Variants in GNE observed in about 807,000 individuals in gnomAD.
GNE encodes the protein glucosamine (UDP-N-acetyl)-2-epimerase/N-acetylmannosamine kinase.
GNE carries 41 observed loss-of-function variants against 61.8 expected under a neutral mutation model. The ratio of observed to expected loss-of-function variants is 0.66; its 90% CI spans 0.52 to 0.86. GNE has a LOEUF of 0.86. Among genes scored for constraint, GNE ranks in the 40% least tolerant of loss-of-function variants. The pLI is 0.00. For synonymous variants in GNE, 264 were observed against 326.4 expected (o/e 0.81, Z 2.06); for missense variants, 608 against 909.1 (o/e 0.67, Z 4.26).
intron 1 of GNE, among the ~76,000 whole-genome samples, chr9:36,254,795 T>C (rs1213754957): frequency 6.6e-6 from 1 of 151,572 alleles, no homozygotes; most frequent in Non-Finnish European, 1.5e-5. Context: ...CTACTAAAAA[T>C]ACAAAAATTA....
intron 1 of GNE, among the ~76,000 whole-genome samples, chr9:36,250,343 A>T (rs1340616598): frequency 6.6e-6 from 1 of 152,158 alleles, no homozygotes; most frequent in Non-Finnish European, 1.5e-5. Context: ...TGCCAACAAA[A>T]CTGACAACTC....
chr9:36,256,829 C>T (rs1830372147), intron 1 of GNE, among the ~76,000 whole-genome samples: 1 of 152,212 alleles, frequency 6.6e-6, no homozygotes, highest in Non-Finnish European at 1.5e-5. Flanking sequence ...TAACTCATTT[C>T]ATCCTCACAG....
At position 36,223,484 on chromosome 9, in the gene GNE, A is replaced by T. The variant is rs765843270; in HGVS notation, c.1300T>A (p.Tyr434Asn). ...VSMKGEIVKK[Y>N]TQFNPKTYEE... ...TAGGTTTTAGGATTGAACTGAGTAT[A>T]CTTCTTAACTATTTCACCCTAAAAG... is the stretch of plus-strand genomic sequence containing the variant. Residue 434 changes from tyrosine (Y) to asparagine (N), a missense_variant, in exon 8 of 12, where the codon TAT (tyrosine) becomes AAT (asparagine). Physicochemically the swap from Tyr to Asn is moderately radical, Grantham distance 143. Coordinates refer to ENST00000642385, the MANE Select transcript of GNE (RefSeq NM_005476.7). 1 of 1,611,106 alleles carries T rather than the reference A, an allele frequency of 6.2e-7. No individual in the cohort carries two copies. Among genetic ancestry groups the T allele is most frequent in the Non-Finnish European group, 8.5e-7 (1 of 1,178,080 alleles).
rs140784655 is a variant in GNE, at chr9:36,227,284, G to A, written c.1245C>T (p.Gly415=). The part of the protein sequence containing the change: ...ETLSALAVDL[G]GTNLRVAIVS... Reference sequence around the variant, plus strand: ...CTATTGCAACTCGGAGGTTCGTCCCGCCAAGATCAACGGCCAAGGCACTTA... The same window carrying A: ...CTATTGCAACTCGGAGGTTCGTCCCACCAAGATCAACGGCCAAGGCACTTA... The change falls in exon 7 of 12, where the codon GGC becomes GGT. Residue 415 remains glycine (G), a synonymous_variant. Transcript: ENST00000642385. 295 of 1,613,298 alleles carry A rather than the reference G, an allele frequency of 1.8e-4. No individual in the cohort carries two copies. Among genetic ancestry groups the A allele is most frequent in the African/African-American group, 1.7e-3 (124 of 75,004 alleles).
upstream of GNE, among the ~76,000 whole-genome samples, chr9:36,260,843 T>C (rs1830588941): frequency 8.1e-6 from 1 of 123,366 alleles, no homozygotes; most frequent in African/African-American, 3.0e-5. Flanking sequence ...CACTCCAGCC[T>C]GGGCAACAGA....
chr9:36,249,458 A>G (rs1830031028), intron 1 of GNE, 61 bp from the exon 2 acceptor site: 1 of 1,050,032 alleles, frequency 9.5e-7, no homozygotes, highest in Admixed American at 2.4e-5. Flanking sequence ...ACTAAACTTT[A>G]AACTTCTCTA....
intron 1 of GNE, among the ~76,000 whole-genome samples, chr9:36,250,383 T>C (rs903251622): frequency 2.0e-4 from 30 of 152,334 alleles, no homozygotes; most frequent in African/African-American, 7.0e-4. Flanking sequence ...TCCTGCTGTA[T>C]GTCCTATAAA....
intron 1 of GNE, among the ~76,000 whole-genome samples, chr9:36,251,904 C>G (rs1361236352): frequency 6.6e-6 from 1 of 152,064 alleles, no homozygotes; most frequent in African/African-American, 2.4e-5. Context: ...GCTAATTTCA[C>G]CCAATGGCAA....
At position 36,222,863 on chromosome 9, in the gene GNE, T is replaced by C; in HGVS notation, c.1547A>G (p.Asn516Ser). 1.9e-6 allele frequency: 3 copies of C among 1,614,204 alleles called. No individual in the cohort carries two copies. The highest frequency in any genetic ancestry group is 1.7e-6 in the Non-Finnish European group (2 of 1,180,016). The change falls in exon 9 of 12, where the codon AAT becomes AGT. Residue 516 changes from asparagine to serine, a missense_variant. By Grantham distance (46) the Asn-to-Ser change is conservative. Coordinates refer to ENST00000642385, the MANE Select transcript of GNE (RefSeq NM_005476.7). Reference sequence around the variant, plus strand: ...CGCCAGGGCAGCACAGTTGCCATCATTGTCTACCCACACAGGGAGATGCAA... The same window carrying C: ...CGCCAGGGCAGCACAGTTGCCATCACTGTCTACCCACACAGGGAGATGCAA... ...DTLHLPVWVD[N>S]DGNCAALAER... is the part of the protein sequence containing the mutation.
intron 7 of GNE, among the ~76,000 whole-genome samples, chr9:36,223,829 G>A (rs1394194743): frequency 1.3e-5 from 2 of 150,942 alleles, no homozygotes; most frequent in African/African-American, 4.9e-5. Context: ...TCAGCTCACT[G>A]CAACCTCCAC....
upstream of GNE, among the ~76,000 whole-genome samples, chr9:36,260,879 A>AAAC (rs1830594270): frequency 7.1e-6 from 1 of 141,516 alleles, no homozygotes; most frequent in South Asian, 2.1e-4. Context: ...AAAAAAAAAA[A>AAAC]AAAAAAAAAA....
chr9:36,257,138 A>G (rs1227981159), intron 1 of GNE, among the ~76,000 whole-genome samples: 2 of 152,138 alleles, frequency 1.3e-5, no homozygotes, highest in African/African-American at 4.8e-5. Context: ...CAAGTTCATC[A>G]TTGAGAGAAC....
intron 1 of GNE, among the ~76,000 whole-genome samples, chr9:36,273,458 C>G (rs1367632156): frequency 6.6e-6 from 1 of 151,718 alleles, no homozygotes; most frequent in Non-Finnish European, 1.5e-5. Flanking sequence ...CTCAGATGAT[C>G]CACCCACCTC....
rs75700196 is a variant in GNE at position 36,265,505 on chromosome 9, G to A, written c.51+11389C>T. ...ATCATGAAGAAATCAACAAGAGGTG[G>A]AATAAACTGAGCAATTCATCACCAT... On this transcript the variant is annotated intron_variant, in intron 1 of 11. Transcript: ENST00000396594. The A allele has an allele frequency of 1.1e-3, 487 of 456,438 alleles. 7 individuals carry two copies. The highest frequency in any genetic ancestry group is 8.9e-3 in the African/African-American group (449 of 50,176). 28.3% of individuals were successfully genotyped at this position (456,438 alleles called of 1,614,324 possible). A position where few individuals can be genotyped will look rare whatever the true frequency, so the allele number is the denominator to read the frequency against.
At chr9:36,217,635 G>T in intron 11 of GNE, 35 bp from the exon 12 acceptor site, 3 of 1,384,522 alleles carry the variant, frequency 2.2e-6, no homozygotes, top group African/African-American at 2.8e-5. Context: ...GAGTTTCTGA[G>T]AGAAGCCAAA....
At chr9:36,231,103 GAA>G (rs1230091595) in intron 5 of GNE, among the ~76,000 whole-genome samples, 1 of 118,684 alleles carries the variant, frequency 8.4e-6, no homozygotes, top group Admixed American at 8.7e-5. Context: ...GAGAGAGAGA[GAA>G]AGAGAAAGAA....
At chr9:36,228,885 C>G (rs1829016957) in intron 6 of GNE, 136 bp downstream of exon 6, 1 of 705,720 alleles carries the variant, frequency 1.4e-6, no homozygotes, top group Non-Finnish European at 2.7e-6. Context: ...CAATCCCTGT[C>G]TCCCCAGCAA....
At chr9:36,234,442 G>T (rs7019324) in intron 4 of GNE, among the ~76,000 whole-genome samples, 15,767 of 151,968 alleles carry the variant, frequency 0.1, 1,116 homozygotes, top group South Asian at 0.19. Flanking sequence ...CTAAAGACAG[G>T]CCAACAGCCT....
intron 9 of GNE, among the ~76,000 whole-genome samples, chr9:36,222,287 C>T (rs941354806): frequency 3.3e-5 from 5 of 151,366 alleles, no homozygotes; most frequent in Admixed American, 6.6e-5. Flanking sequence ...GGCGTAGTGG[C>T]GGGCGCCTGT....
Sources: allele counts gnomAD v4.1 joint callset (sites outside exome capture counted in the v4.1 genomes callset), GRCh38; gene constraint gnomAD v4.1.1; transcripts MANE v1.5; gene names NCBI Gene and HGNC (gene_info 2026-07-23, HGNC 2026-07-21).